The following ADGRB3 variants were observed in gnomAD, a reference collection of about 807,000 sequenced individuals.
ADGRB3 encodes the protein brain-specific angiogenesis inhibitor 3.
In ADGRB3, 37 loss-of-function variants were observed where a neutral mutation model predicts 193.4. The ratio of observed to expected loss-of-function variants is 0.19; its 90% CI spans 0.15 to 0.25. The LOEUF (loss-of-function observed/expected upper bound fraction) is 0.25, where lower values mean the gene tolerates loss of function less well. ADGRB3 is among the 10% of genes least tolerant of loss of function. The pLI is 1.00. For missense variants in ADGRB3, 1,637 were observed against 1,852.9 expected (o/e 0.88, Z 2.14); for synonymous variants, 690 against 644.2 (o/e 1.07, Z -1.08).
chr6:69,057,649 C>T (rs980974199), intron 15 of ADGRB3, among the ~76,000 whole-genome samples: 5 of 151,866 alleles, frequency 3.3e-5, no homozygotes, highest in African/African-American at 9.7e-5. Context: ...GAAAGGGTGT[C>T]GAATTTTGTC....
At chr6:69,306,387 G>C (rs565424781) in intron 20 of ADGRB3, among the ~76,000 whole-genome samples, 8 of 151,558 alleles carry the variant, frequency 5.3e-5, no homozygotes, top group African/African-American at 1.9e-4. Flanking sequence ...ATAGCATAAT[G>C]TGTTGCCTCT....
At chr6:69,002,406 A>G (rs1337074065) in intron 11 of ADGRB3, among the ~76,000 whole-genome samples, 2 of 152,030 alleles carry the variant, frequency 1.3e-5, no homozygotes, top group Non-Finnish European at 2.9e-5. Flanking sequence ...TTTAATAGAC[A>G]AGGGATTTCG....
chr6:69,237,385 T>A (rs1201979524), intron 19 of ADGRB3, among the ~76,000 whole-genome samples: 4 of 152,012 alleles, frequency 2.6e-5, no homozygotes, highest in African/African-American at 4.8e-5. Flanking sequence ...TCACCAAAAA[T>A]TTAATACATT....
chr6:68,824,197 T>C (rs553292259), intron 3 of ADGRB3, among the ~76,000 whole-genome samples: 1 of 147,110 alleles, frequency 6.8e-6, no homozygotes, highest in South Asian at 2.2e-4. Flanking sequence ...ATGAGACTTA[T>C]TCTATTTGCC....
intron 6 of ADGRB3, among the ~76,000 whole-genome samples, chr6:68,946,567 T>A (rs753029082): frequency 3.9e-5 from 6 of 152,144 alleles, no homozygotes; most frequent in Non-Finnish European, 5.9e-5. Context: ...ATCCCTAAGC[T>A]ATCATATTAA....
chr6:69,040,675 C>CAAAAAAAAAAAAAAAAAAAAAAAAAA lies in ADGRB3; in HGVS notation c.2108-7501_2108-7476dup, dbSNP rs869146684. The stretch of plus-strand genomic sequence containing the variant: ...CCCAGGCTTTGAAATGACTGATGGA[C>CAAAAAAAAAAAAAAAAAAAAAAAAAA]AAAAAAAAAAAAAAAAAAAAAAAAA... On this transcript the variant is annotated intron_variant, in intron 13 of 31. Transcript: ENST00000370598. Among the ~76,000 whole-genome samples the CAAAAAAAAAAAAAAAAAAAAAAAAAA allele has an allele frequency of 2.6e-4, 5 of 19,518 alleles. 2 individuals carry two copies. The highest frequency in any genetic ancestry group is 4.3e-4 in the Non-Finnish European group (5 of 11,612). 12.8% of individuals were successfully genotyped at this position (19,518 alleles called of 152,430 possible). A position where few individuals can be genotyped will look rare whatever the true frequency, so the allele number is the denominator to read the frequency against.
chr6:68,794,589 C>T (rs1241431057), intron 3 of ADGRB3, among the ~76,000 whole-genome samples: 3 of 152,022 alleles, frequency 2.0e-5, no homozygotes, highest in African/African-American at 7.2e-5. Context: ...GTTATTCCCA[C>T]TTTACATATA....
intron 17 of ADGRB3, among the ~76,000 whole-genome samples, chr6:69,120,993 A>G (rs1773664174): frequency 7.0e-6 from 1 of 142,922 alleles, no homozygotes; most frequent in South Asian, 2.2e-4. Flanking sequence ...AAGTTTATGC[A>G]GTTATCTTTT....
chr6:68,854,419 T>C (rs955695209), intron 3 of ADGRB3, among the ~76,000 whole-genome samples: 1 of 152,224 alleles, frequency 6.6e-6, no homozygotes, highest in African/African-American at 2.4e-5. Context: ...CTATGTGAGA[T>C]AATGTACTTG....
At chr6:69,073,151 C>T (rs746229710) in intron 16 of ADGRB3, among the ~76,000 whole-genome samples, 1 of 152,154 alleles carries the variant, frequency 6.6e-6, no homozygotes, top group East Asian at 1.9e-4. Flanking sequence ...CTATGTTCCT[C>T]ATCTACTTCT....
intron 17 of ADGRB3, among the ~76,000 whole-genome samples, chr6:69,154,191 A>T (rs1774766631): frequency 1.3e-5 from 2 of 152,158 alleles, no homozygotes; most frequent in Non-Finnish European, 2.9e-5. Context: ...TCACAGATCA[A>T]TGTCAGTGTT....
chr6:69,037,603 C>A (rs1463799604), intron 13 of ADGRB3, among the ~76,000 whole-genome samples: 25 of 152,148 alleles, frequency 1.6e-4, no homozygotes, highest in Admixed American at 1.6e-3. Context: ...ACCATCCTCT[C>A]ATTATTAAAC....
At chr6:68,928,171 A>C (rs936441186) in intron 3 of ADGRB3, among the ~76,000 whole-genome samples, 2 of 152,186 alleles carry the variant, frequency 1.3e-5, no homozygotes, top group African/African-American at 4.8e-5. Flanking sequence ...CTTTAAAAAA[A>C]TGAACACTTC....
intron 3 of ADGRB3, among the ~76,000 whole-genome samples, chr6:68,912,837 A>G (rs1419730011): frequency 6.6e-6 from 1 of 152,118 alleles, no homozygotes; most frequent in Non-Finnish European, 1.5e-5. Context: ...CGGCACCTGG[A>G]AAATCAGGTC....
chr6:69,085,034 G>T (rs1031382194), intron 17 of ADGRB3, among the ~76,000 whole-genome samples: 1 of 151,946 alleles, frequency 6.6e-6, no homozygotes, highest in East Asian at 1.9e-4. Flanking sequence ...TTTTTTAAAG[G>T]TATCATATAC....
chr6:68,637,931 GAAC>G (rs1257944968), intron 2 of ADGRB3, among the ~76,000 whole-genome samples: 2 of 151,976 alleles, frequency 1.3e-5, no homozygotes, highest in Non-Finnish European at 2.9e-5. Flanking sequence ...TGGTGATGTT[GAAC>G]AACAAGTCTT....
chr6:69,359,795 G>C (rs1276312898), intron 28 of ADGRB3, among the ~76,000 whole-genome samples: 2 of 151,902 alleles, frequency 1.3e-5, no homozygotes, highest in African/African-American at 4.8e-5. Context: ...GTTAGCACCA[G>C]ATGTGCATGT....
At chr6:68,822,297 G>T (rs1767762097) in intron 3 of ADGRB3, among the ~76,000 whole-genome samples, 1 of 151,912 alleles carries the variant, frequency 6.6e-6, no homozygotes, top group African/African-American at 2.4e-5. Flanking sequence ...TATTGAGAAG[G>T]CCTAAAAATA....
intron 20 of ADGRB3, among the ~76,000 whole-genome samples, chr6:69,250,559 GA>G (rs1766598199): frequency 6.6e-6 from 1 of 152,162 alleles, no homozygotes; most frequent in African/African-American, 2.4e-5. Context: ...TACAAGTCAG[GA>G]ATTTAGGAGA....
Sources: gnomAD v4.1 joint callset for allele counts (sites outside exome capture counted in the v4.1 genomes callset) on GRCh38, gnomAD v4.1.1 for gene constraint, MANE v1.5 for transcripts, NCBI Gene and HGNC (gene_info 2026-07-23, HGNC 2026-07-21) for gene names.